Variants in PLXNA4 observed in about 807,000 individuals in gnomAD.
PLXNA4 encodes plexin-A4.
Under a neutral mutation model 191.8 loss-of-function variants are expected in PLXNA4, and 44 were observed. The observed-to-expected ratio is 0.23, with a 90% CI of 0.18 to 0.29. The LOEUF is 0.29. Ranked by LOEUF, PLXNA4 falls within the 10% of genes least tolerant of loss-of-function variation. The pLI is 1.00. For missense variants in PLXNA4, 1,800 were observed against 2,488.8 expected (o/e 0.72, Z 5.89); for synonymous variants, 1,082 against 1,009.5 (o/e 1.07, Z -1.36).
At chr7:132,163,793 C>T (rs944981824) in intron 24 of PLXNA4, among the ~76,000 whole-genome samples, 6 of 152,196 alleles carry the variant, frequency 3.9e-5, no homozygotes, top group Non-Finnish European at 7.3e-5. Flanking sequence ...TCTGCCTGCA[C>T]GGACCTCTTC....
At chr7:132,397,109 C>T (rs1793799151) in intron 3 of PLXNA4, among the ~76,000 whole-genome samples, 1 of 152,240 alleles carries the variant, frequency 6.6e-6, no homozygotes, top group African/African-American at 2.4e-5. Flanking sequence ...AAAGCCTTCT[C>T]CGCATCTCAG....
intron 3 of PLXNA4, among the ~76,000 whole-genome samples, chr7:132,470,244 T>G (rs983288871): frequency 1.3e-5 from 2 of 152,110 alleles, no homozygotes; most frequent in Middle Eastern, 3.2e-3. Context: ...ACCAGTAGAG[T>G]TCACTGGGCT....
At chr7:132,241,319 G>A (rs973448370) in intron 4 of PLXNA4, among the ~76,000 whole-genome samples, 153 bp from the exon 5 acceptor site, 1 of 152,210 alleles carries the variant, frequency 6.6e-6, no homozygotes, top group African/African-American at 2.4e-5. Flanking sequence ...GGGAACTTGA[G>A]TGATTATGTT....
rs557962334 is a variant in PLXNA4, at chr7:132,591,184, G to A, written c.-87+54744C>T. Among the ~76,000 whole-genome samples the A allele has an allele frequency of 2.1e-4, 32 of 152,290 alleles. No homozygotes were observed. The East Asian group carries it at 5.0e-3, about 24-fold the overall frequency. ...GCAGATGCAATCAACATGGAGAGCC[G>A]TGGAACAGGGGATGGAGGGAAGGGT... On this transcript the variant is annotated intron_variant, in intron 2 of 4. Coordinates refer to the PLXNA4 transcript ENST00000378539.
chr7:132,594,305 C>A (rs2116830723), intron 2 of PLXNA4, among the ~76,000 whole-genome samples: 1 of 152,260 alleles, frequency 6.6e-6, no homozygotes, highest in East Asian at 1.9e-4. Flanking sequence ...CTGTCTCAAG[C>A]CAAGGAACTA....
intron 3 of PLXNA4, among the ~76,000 whole-genome samples, chr7:132,397,133 T>C (rs929670664): frequency 2.6e-5 from 4 of 152,172 alleles, no homozygotes; most frequent in Non-Finnish European, 5.9e-5. Flanking sequence ...TCCCCAAAAT[T>C]TTACAAATAC....
chr7:132,458,893 G>A (rs992426137), intron 3 of PLXNA4, among the ~76,000 whole-genome samples: 1 of 152,152 alleles, frequency 6.6e-6, no homozygotes, highest in South Asian at 2.1e-4. Flanking sequence ...GTGGAGAGCT[G>A]GGCGAAATGC....
chr7:132,562,863 C>T (rs1431325517), intron 1 of PLXNA4, among the ~76,000 whole-genome samples: 7 of 116,064 alleles, frequency 6.0e-5, no homozygotes, highest in Admixed American at 5.1e-4. Context: ...CCTCCTCCTC[C>T]TTCTCCTCCT....
At chr7:132,365,371 G>GCGCGCA (rs1804133597) in intron 3 of PLXNA4, among the ~76,000 whole-genome samples, 1 of 151,504 alleles carries the variant, frequency 6.6e-6, no homozygotes, top group Non-Finnish European at 1.5e-5. Context: ...GCGTGCGCGC[G>GCGCGCA]CATGCATGGG....
Position 132,272,175 on chromosome 7 carries a change from T to C in PLXNA4, c.1503+25916A>G, listed in dbSNP as rs1352198699. On this transcript the variant is annotated intron_variant, in intron 4 of 31. Coordinates refer to ENST00000321063, the MANE Select transcript of PLXNA4 (RefSeq NM_020911.2). ...TCCAGGAATCATCGCAAACATGTTT[T>C]ATGTCCTTCAGTCTTCCCTGCATTC... is the stretch of plus-strand genomic sequence containing the variant. Among the ~76,000 whole-genome samples the C allele has an allele frequency of 2.6e-5, 4 of 152,338 alleles. No homozygotes were observed. The South Asian group carries it at 8.3e-4, about 32-fold the overall frequency.
intron 2 of PLXNA4, among the ~76,000 whole-genome samples, chr7:132,504,278 T>G (rs1023595546): frequency 1.3e-5 from 2 of 152,250 alleles, no homozygotes; most frequent in African/African-American, 4.8e-5. Flanking sequence ...GGATGCTCCC[T>G]GGCACAAGGG....
At chr7:132,437,440 A>G (rs1187141520) in intron 3 of PLXNA4, among the ~76,000 whole-genome samples, 3 of 152,126 alleles carry the variant, frequency 2.0e-5, no homozygotes, top group Non-Finnish European at 4.4e-5. Flanking sequence ...AGACACACAC[A>G]TTCTTACAAA....
intron 3 of PLXNA4, among the ~76,000 whole-genome samples, chr7:132,318,661 CTTTT>C (rs56179808): frequency 6.4e-5 from 7 of 109,916 alleles, no homozygotes; most frequent in Non-Finnish European, 9.0e-5. Context: ...ACGCACTTTG[CTTTT>C]TTTTTTTTTT....
At chr7:132,504,913 G>A (rs999934351) in intron 2 of PLXNA4, among the ~76,000 whole-genome samples, 2 of 152,216 alleles carry the variant, frequency 1.3e-5, no homozygotes, top group African/African-American at 2.4e-5. Context: ...TGGCCTGGCC[G>A]ATGTCGCACG....
rs768059353 is a variant in PLXNA4 at position 132,127,160 on chromosome 7, A to T, written c.*3319T>A. 6.6e-6 allele frequency: 1 copy of T among 152,326 alleles called. No homozygotes were observed. The highest frequency in any genetic ancestry group is 2.4e-5 in the African/African-American group (1 of 41,568). 9.4% of individuals were successfully genotyped at this position (152,326 alleles called of 1,614,324 possible). A position where few individuals can be genotyped will look rare whatever the true frequency, so the allele number is the denominator to read the frequency against. On this transcript the variant is annotated 3_prime_UTR_variant, in exon 32 of 32. Transcript: ENST00000321063. Reference sequence around the variant, plus strand: ...CCTTCTCTCTCCAACATGCAAAAAAAATTCCCACCTAAACTTTGTCAGTGA... The same window carrying T: ...CCTTCTCTCTCCAACATGCAAAAAATATTCCCACCTAAACTTTGTCAGTGA...
At chr7:132,494,962 C>T (rs897804714) in intron 2 of PLXNA4, among the ~76,000 whole-genome samples, 2 of 152,128 alleles carry the variant, frequency 1.3e-5, no homozygotes, top group Admixed American at 1.3e-4. Flanking sequence ...GGAGGTAGAC[C>T]TGGGGAACAG....
At chr7:132,273,342 G>T (rs995184) in intron 4 of PLXNA4, among the ~76,000 whole-genome samples, 1 of 143,082 alleles carries the variant, frequency 7.0e-6, no homozygotes, top group Non-Finnish European at 1.5e-5. Flanking sequence ...ACACACACAC[G>T]CACACACACA....
chr7:132,326,015 T>A (rs6467430), intron 3 of PLXNA4, among the ~76,000 whole-genome samples: 115,665 of 152,076 alleles, frequency 0.76, 44,131 homozygotes, highest in South Asian at 0.83. Context: ...CTGGCTAAAC[T>A]TTATTCTGAG....
chr7:132,470,739 T>A (rs1297800713), intron 3 of PLXNA4, among the ~76,000 whole-genome samples: 2 of 152,150 alleles, frequency 1.3e-5, no homozygotes, highest in African/African-American at 4.8e-5. Flanking sequence ...GCCAAAAACA[T>A]GTATCACTGC....
Sources: gnomAD v4.1 joint callset for allele counts (sites outside exome capture counted in the v4.1 genomes callset) on GRCh38, gnomAD v4.1.1 for gene constraint, MANE v1.5 for transcripts, NCBI Gene and HGNC (gene_info 2026-07-23, HGNC 2026-07-21) for gene names.